Variants in VGLL3 observed in about 807,000 individuals in gnomAD.
VGLL3 encodes vestigial like family member 3, also known as transcription cofactor vestigial-like protein 3.
Under a neutral mutation model 29.2 loss-of-function variants are expected in VGLL3, and 18 were observed. The ratio of observed to expected loss-of-function variants is 0.62; its 90% CI spans 0.43 to 0.91. The LOEUF (loss-of-function observed/expected upper bound fraction) is 0.91, where lower values mean the gene tolerates loss of function less well. VGLL3 is among the 40% of genes least tolerant of loss of function. The probability of loss-of-function intolerance (pLI) is 0.00; values close to 1 mark genes in which losing one functional copy is unlikely to be tolerated. For synonymous variants in VGLL3, 180 were observed against 151.8 expected (o/e 1.19, Z -1.36); for missense variants, 440 against 413.2 (o/e 1.06, Z -0.56).
intron 1 of VGLL3, 33 bp from the exon 2 acceptor site, chr3:86,978,835 G>A (rs1705267702): frequency 6.5e-7 from 1 of 1,535,130 alleles, no homozygotes; most frequent in South Asian, 1.3e-5. Context: ...CAGTATCAAA[G>A]ACAGTTTGTA....
chr3:86,954,305 A>G (rs1477159075), intron 3 of VGLL3, among the ~76,000 whole-genome samples: 1 of 152,212 alleles, frequency 6.6e-6, no homozygotes, highest in Non-Finnish European at 1.5e-5. Context: ...GAAACATTGC[A>G]GGTGAGAAAA....
At chr3:86,967,834 T>C (rs1378484484) in intron 3 of VGLL3, among the ~76,000 whole-genome samples, 1 of 152,198 alleles carries the variant, frequency 6.6e-6, no homozygotes, top group Non-Finnish European at 1.5e-5. Flanking sequence ...CTCAGACATT[T>C]GACACAGAAC....
At chr3:86,990,208 T>C (rs1236162813) in intron 1 of VGLL3, 13 of 711,344 alleles carry the variant, frequency 1.8e-5, no homozygotes, top group Non-Finnish European at 2.2e-5. Flanking sequence ...CCTACCTCTG[T>C]CAGCGCACTT....
chr3:86,941,262 C>A lies in VGLL3; in HGVS notation c.*5762G>T, dbSNP rs78993102. ...TTATACATATCCTAAGAAATTAAAT[C>A]AATTGTGTAAATAATCATTATTAAC... On this transcript the variant is annotated 3_prime_UTR_variant, in exon 4 of 4. Transcript: ENST00000398399. 1.3e-5 allele frequency: 2 copies of A among 152,094 alleles called. No homozygotes were observed. Among genetic ancestry groups the A allele is most frequent in the Non-Finnish European group, 2.9e-5 (2 of 67,828 alleles). 9.4% of individuals were successfully genotyped at this position (152,094 alleles called of 1,614,324 possible). A position where few individuals can be genotyped will look rare whatever the true frequency, so the allele number is the denominator to read the frequency against.
chr3:86,970,019 C>G (rs746205487), intron 2 of VGLL3, among the ~76,000 whole-genome samples: 3 of 152,096 alleles, frequency 2.0e-5, no homozygotes, highest in South Asian at 4.1e-4. Flanking sequence ...TAACTGTGAA[C>G]CTCAACATCT....
At chr3:86,979,721 T>G (rs1340378859) in intron 1 of VGLL3, among the ~76,000 whole-genome samples, 1 of 152,082 alleles carries the variant, frequency 6.6e-6, no homozygotes, top group Non-Finnish European at 1.5e-5. Flanking sequence ...TCACAAATCA[T>G]GTAAGCTGCA....
chr3:86,978,650 A>G lies in VGLL3; in HGVS notation c.279T>C (p.Tyr93=). Residue 93 remains tyrosine (Y), a synonymous_variant, in exon 2 of 4, where the codon TAT becomes TAC. Transcript: ENST00000398399. ...CTACTGACCCAATGTCTCCCTGGAA[A>G]TAAGTGAAAAGGACACAGCGAGAGT... is the stretch of plus-strand genomic sequence containing the variant. ...YLNSRCVLFT[Y]FQGDIGSVVD... The G allele has an allele frequency of 6.2e-7, 1 of 1,614,162 alleles. No individual in the cohort carries two copies. The highest frequency in any genetic ancestry group is 8.5e-7 in the Non-Finnish European group (1 of 1,180,028).
At chr3:86,990,588 C>A in intron 1 of VGLL3, 30 bp downstream of exon 1, 1 of 1,321,292 alleles carries the variant, frequency 7.6e-7, no homozygotes, top group Non-Finnish European at 9.7e-7. Context: ...TCGCCCCCGC[C>A]CCCAGCAGGC....
chr3:86,988,637 G>A (rs531998228), intron 1 of VGLL3, among the ~76,000 whole-genome samples: 1 of 15,740 alleles, frequency 6.4e-5, no homozygotes, highest in Non-Finnish European at 1.5e-4. Flanking sequence ...TTCTTTACTT[G>A]ACCAAAAAAA....
intron 3 of VGLL3, among the ~76,000 whole-genome samples, chr3:86,951,041 A>T (rs1022709856): frequency 6.6e-6 from 1 of 152,144 alleles, no homozygotes; most frequent in Non-Finnish European, 1.5e-5. Flanking sequence ...AAGAAAAGGA[A>T]AAACAATATT....
chr3:86,981,489 A>G (rs969059910), intron 1 of VGLL3, among the ~76,000 whole-genome samples: 2 of 151,852 alleles, frequency 1.3e-5, no homozygotes, highest in Non-Finnish European at 2.9e-5. Context: ...TATTCTTTTT[A>G]TTTCATATAT....
At chr3:86,948,445 A>G (rs1704548225) in intron 3 of VGLL3, among the ~76,000 whole-genome samples, 1 of 152,206 alleles carries the variant, frequency 6.6e-6, no homozygotes, top group African/African-American at 2.4e-5. Flanking sequence ...AATAGGACAC[A>G]ATTAGTGTTT....
chr3:86,957,065 T>C (rs1393960297), intron 3 of VGLL3, among the ~76,000 whole-genome samples: 1 of 152,124 alleles, frequency 6.6e-6, no homozygotes, highest in African/African-American at 2.4e-5. Flanking sequence ...ATCTCAACAA[T>C]ACGTAAGCAT....
rs1305969136 is a variant in VGLL3, at chr3:86,944,970, A to G, written c.*2054T>C. 1 of 152,228 alleles carries G rather than the reference A, an allele frequency of 6.6e-6. No individual in the cohort carries two copies. Among genetic ancestry groups the G allele is most frequent in the Non-Finnish European group, 1.5e-5 (1 of 68,040 alleles). 9.4% of individuals were successfully genotyped at this position (152,228 alleles called of 1,614,324 possible). ...AAGGACACAAGGCAAATCCAGATTTATAAATTCACTAAATTTTGTGCTCCA... is the reference window on the plus strand; with the variant it reads ...AAGGACACAAGGCAAATCCAGATTTGTAAATTCACTAAATTTTGTGCTCCA... On this transcript the variant is annotated 3_prime_UTR_variant, in exon 4 of 4. Transcript: ENST00000398399.
rs1442895363 is a variant in VGLL3, at chr3:86,942,457, C to A, written c.*4567G>T. Reference sequence around the variant, plus strand: ...GATCGTAAATGGTTGTGTTTTTCCCCCTTTTAATGCGGAAGATTTTTTCCA... The same window carrying A: ...GATCGTAAATGGTTGTGTTTTTCCCACTTTTAATGCGGAAGATTTTTTCCA... On this transcript the variant is annotated 3_prime_UTR_variant, in exon 4 of 4. Coordinates refer to ENST00000398399, the MANE Select transcript of VGLL3 (RefSeq NM_016206.4). 6.6e-6 allele frequency: 1 copy of A among 152,032 alleles called. No homozygotes were observed. Among genetic ancestry groups the A allele is most frequent in the African/African-American group, 2.4e-5 (1 of 41,384 alleles). The allele number at this position is 152,032 out of a possible 1,614,324, so 9.4% of individuals were successfully genotyped here. A position where few individuals can be genotyped will look rare whatever the true frequency, so the allele number is the denominator to read the frequency against.
At chr3:86,979,623 T>C (rs1705282052) in intron 1 of VGLL3, among the ~76,000 whole-genome samples, 1 of 152,178 alleles carries the variant, frequency 6.6e-6, no homozygotes, top group Non-Finnish European at 1.5e-5. Context: ...ACTTAATCTT[T>C]ACAATTCTAT....
chr3:86,976,206 C>T (rs2107041908), intron 2 of VGLL3, among the ~76,000 whole-genome samples: 1 of 152,316 alleles, frequency 6.6e-6, no homozygotes, highest in African/African-American at 2.4e-5. Flanking sequence ...ATTGAATATT[C>T]TAAGCTCAGT....
At chr3:86,974,163 G>C (rs966096577) in intron 2 of VGLL3, among the ~76,000 whole-genome samples, 4 of 151,172 alleles carry the variant, frequency 2.6e-5, no homozygotes, top group African/African-American at 9.7e-5. Flanking sequence ...TGTCACACAG[G>C]CTGGAGTACA....
chr3:86,962,551 A>T (rs951243010), intron 3 of VGLL3: 10 of 981,030 alleles, frequency 1.0e-5, no homozygotes, highest in Admixed American at 6.1e-5. Context: ...CTAAAAAAAA[A>T]TTTAAAAAAC....
Sources: gnomAD v4.1 joint callset for allele counts (sites outside exome capture counted in the v4.1 genomes callset) on GRCh38, gnomAD v4.1.1 for gene constraint, MANE v1.5 for transcripts, NCBI Gene and HGNC (gene_info 2026-07-23, HGNC 2026-07-21) for gene names.